KPNA7: variants seen among roughly 807,000 people sequenced by gnomAD.
The protein encoded by KPNA7 is karyopherin subunit alpha 7, also known as importin subunit alpha-8.
A neutral mutation model predicts 53.7 loss-of-function variants in KPNA7; 54 were observed. That is an observed-to-expected ratio of 1.01 (90% confidence interval 0.81 to 1.26). The LOEUF (loss-of-function observed/expected upper bound fraction) is 1.26, where lower values mean the gene tolerates loss of function less well. Among genes scored for constraint, KPNA7 ranks in the 50% most tolerant of loss-of-function variants. KPNA7 has a pLI of 0.00. For synonymous variants in KPNA7, 276 were observed against 259.3 expected (o/e 1.06, Z -0.62); for missense variants, 640 against 644.5 (o/e 0.99, Z 0.07).
In KPNA7 at chr7:99,182,040, G is replaced by A. The variant is rs1289774683; in HGVS notation, c.1160C>T (p.Ala387Val). ...KNGEFKVQKE[A>V]VWMVANFATG... ...TGCAAAGTTCGCCACCATCCAGACA[G>A]CCTCTTTCTGGACTTTAAATTCTCC... The change falls in exon 9 of 11, where the codon GCT becomes GTT. Residue 387 changes from alanine (A) to valine (V), a missense_variant. Physicochemically the swap from Ala to Val is moderately conservative, Grantham distance 64. Coordinates refer to ENST00000327442, the MANE Select transcript of KPNA7 (RefSeq NM_001145715.3). The A allele has an allele frequency of 3.9e-6, 6 of 1,541,294 alleles. No homozygotes were observed. The Admixed American group carries it at 1.0e-4, about 26-fold the overall frequency.
intron 4 of KPNA7, 138 bp from the exon 5 acceptor site, chr7:99,195,476 G>C: frequency 1.3e-6 from 1 of 743,818 alleles, no homozygotes. Flanking sequence ...ATCACTTGAG[G>C]TCGCAAGGTC....
the KPNA7 span, among the ~76,000 whole-genome samples, chr7:99,146,976 T>C: frequency 6.6e-6 from 1 of 152,116 alleles, no homozygotes; most frequent in Non-Finnish European, 1.5e-5. Context: ...CATCAAAAAA[T>C]CGTAAGTCAA....
In KPNA7 at chr7:99,181,872, G is replaced by T; in HGVS notation, c.1317+11C>A. Reference sequence around the variant, plus strand: ...AGCTATTTACAAACCAACCTGTTCAGAACGGCTCACCTGGAGGATGCAAGA... The same window carrying T: ...AGCTATTTACAAACCAACCTGTTCATAACGGCTCACCTGGAGGATGCAAGA... On this transcript the variant is annotated intron_variant, in intron 9 of 10. Transcript: ENST00000327442. The T allele has an allele frequency of 1.3e-6, 2 of 1,531,794 alleles. No individual in the cohort carries two copies. Among genetic ancestry groups the T allele is most frequent in the African/African-American group, 2.8e-5 (2 of 72,688 alleles). The allele number at this position is 1,531,794 out of a possible 1,614,324, so 94.9% of individuals were successfully genotyped here.
chr7:99,205,558 A>G (rs1482970052), intron 2 of KPNA7, among the ~76,000 whole-genome samples: 1 of 151,478 alleles, frequency 6.6e-6, no homozygotes, highest in Non-Finnish European at 1.5e-5. Context: ...GTCAAGATAC[A>G]GAGATGGGGG....
the KPNA7 span, among the ~76,000 whole-genome samples, chr7:99,158,572 C>T: frequency 1.1e-4 from 16 of 152,020 alleles, no homozygotes; most frequent in East Asian, 1.4e-3. Context: ...GGCACGATCT[C>T]GGCTCACTGT....
At chr7:99,197,716 A>G (rs867494465) in intron 3 of KPNA7, among the ~76,000 whole-genome samples, 9 of 152,212 alleles carry the variant, frequency 5.9e-5, no homozygotes, top group African/African-American at 2.2e-4. Flanking sequence ...TTAACAGCAG[A>G]TTTAAGCAGA....
chr7:99,180,231 G>A (rs929457913), intron 9 of KPNA7, among the ~76,000 whole-genome samples: 4 of 152,178 alleles, frequency 2.6e-5, no homozygotes, highest in African/African-American at 9.7e-5. Context: ...GCTAGGCATG[G>A]TGGCTCACAC....
chr7:99,187,781 G>A (rs1242341386), intron 7 of KPNA7, among the ~76,000 whole-genome samples: 4 of 127,178 alleles, frequency 3.1e-5, no homozygotes, highest in African/African-American at 2.9e-5. Context: ...GTGAGCCACC[G>A]TGCCCGGCCT....
chr7:99,181,328 C>T (rs1391677331), intron 9 of KPNA7, among the ~76,000 whole-genome samples: 4 of 152,148 alleles, frequency 2.6e-5, no homozygotes, highest in Non-Finnish European at 5.9e-5. Flanking sequence ...CCATAACTCC[C>T]TACCTGATGT....
chr7:99,195,953 C>T (rs1197602350), intron 4 of KPNA7, 131 bp downstream of exon 4: 2 of 702,776 alleles, frequency 2.8e-6, no homozygotes, highest in African/African-American at 1.8e-5. Flanking sequence ...TTTAGATGGG[C>T]TAGCCTTTTC....
chr7:99,157,348 T>C, the KPNA7 span, among the ~76,000 whole-genome samples: 1,786 of 152,264 alleles, frequency 0.012, 34 homozygotes, highest in African/African-American at 0.041. Context: ...TAGCTGAGAT[T>C]ACAGGCATGC....
chr7:99,175,163 T>G (rs2150694464), intron 10 of KPNA7, among the ~76,000 whole-genome samples: 1 of 152,218 alleles, frequency 6.6e-6, no homozygotes, highest in Non-Finnish European at 1.5e-5. Context: ...TGGAAAATGC[T>G]TATCACCATT....
intron 3 of KPNA7, among the ~76,000 whole-genome samples, chr7:99,198,908 C>A (rs1313597819): frequency 6.6e-6 from 1 of 151,962 alleles, no homozygotes; most frequent in East Asian, 1.9e-4. Flanking sequence ...TAAAATTCAG[C>A]TAGGTTGCAG....
intron 1 of KPNA7, among the ~76,000 whole-genome samples, chr7:99,217,153 G>A (rs1259656081): frequency 6.6e-6 from 1 of 152,130 alleles, no homozygotes; most frequent in Non-Finnish European, 1.5e-5. Context: ...GAAATATATT[G>A]AACGTTAGCT....
chr7:99,162,027 C>T, the KPNA7 span, among the ~76,000 whole-genome samples: 1 of 149,572 alleles, frequency 6.7e-6, no homozygotes, highest in African/African-American at 2.5e-5. Context: ...CATGGCTAAC[C>T]AAGATTGCAA....
At chr7:99,181,171 CTG>C (rs543426355) in intron 9 of KPNA7, among the ~76,000 whole-genome samples, 3 of 126,040 alleles carry the variant, frequency 2.4e-5, no homozygotes, top group African/African-American at 8.6e-5. Context: ...CTCTCTCCGT[CTG>C]TGTCTCTCTC....
chr7:99,195,690 G>T (rs541044780), intron 4 of KPNA7, among the ~76,000 whole-genome samples: 1 of 152,212 alleles, frequency 6.6e-6, no homozygotes, highest in Admixed American at 6.5e-5. Context: ...GTGACAGAGT[G>T]AGACTCCATC....
the KPNA7 span, among the ~76,000 whole-genome samples, chr7:99,148,862 C>T: frequency 2.0e-5 from 3 of 149,168 alleles, no homozygotes; most frequent in African/African-American, 7.4e-5. Flanking sequence ...GCTAAGATTA[C>T]AGGCATGAGC....
rs1328263502 is a variant in KPNA7 at position 99,173,655 on chromosome 7, AAAG to A, written c.*50_*52del. ...CTAAGATAGAGGACTGCTGCTTCTTAAAGAAGTTATCCTTTAGCACTGGGTTGT... is the reference window on the plus strand; with the variant it reads ...CTAAGATAGAGGACTGCTGCTTCTTAAAGTTATCCTTTAGCACTGGGTTGT... On this transcript the variant is annotated 3_prime_UTR_variant, in exon 11 of 11. Coordinates refer to ENST00000327442, the MANE Select transcript of KPNA7 (RefSeq NM_001145715.3). The A allele has an allele frequency of 8.5e-7, 1 of 1,172,340 alleles. No homozygotes were observed. The highest frequency in any genetic ancestry group is 2.6e-5 in the East Asian group (1 of 38,766). The allele number at this position is 1,172,340 out of a possible 1,614,324, so 72.6% of individuals were successfully genotyped here. A position where few individuals can be genotyped will look rare whatever the true frequency, so the allele number is the denominator to read the frequency against.
Sources: allele counts gnomAD v4.1 joint callset (sites outside exome capture counted in the v4.1 genomes callset), GRCh38; gene constraint gnomAD v4.1.1; transcripts MANE v1.5; gene names NCBI Gene and HGNC (gene_info 2026-07-23, HGNC 2026-07-21).